CHD8: variants seen among roughly 807,000 people sequenced by gnomAD.
CHD8 encodes the protein ATP-dependent chromatin remodeler CHD8.
CHD8 carries 31 observed loss-of-function variants against 279.2 expected under a neutral mutation model. The ratio of observed to expected loss-of-function variants is 0.11; its 90% CI spans 0.08 to 0.15. CHD8 has a LOEUF of 0.15. CHD8 is among the 10% of genes least tolerant of loss of function. The pLI is 1.00. For synonymous variants in CHD8, 1,081 were observed against 1,139.6 expected (o/e 0.95, Z 1.04); for missense variants, 2,146 against 3,230.5 (o/e 0.66, Z 8.14).
chr14:21,391,344 A>T, intron 36 of CHD8, 119 bp downstream of exon 36: 1 of 946,630 alleles, frequency 1.1e-6, no homozygotes, highest in Non-Finnish European at 1.6e-6. Context: ...ATTATTAATT[A>T]TTACCCTTAT....
chr14:21,409,581 CTG>C (rs1168905025), intron 11 of CHD8, among the ~76,000 whole-genome samples: 2 of 152,018 alleles, frequency 1.3e-5, no homozygotes, highest in African/African-American at 2.4e-5. Context: ...GGCAAAAACA[CTG>C]TAATATTTAC....
chr14:21,442,634 G>A (rs1890003923), intron 1 of CHD8, among the ~76,000 whole-genome samples: 2 of 136,286 alleles, frequency 1.5e-5, no homozygotes, highest in Non-Finnish European at 3.1e-5. Flanking sequence ...GGAGAAAAGA[G>A]AAAGGGGAGG....
At chr14:21,399,948 G>A in intron 25 of CHD8, 33 bp downstream of exon 25, 1 of 1,531,472 alleles carries the variant, frequency 6.5e-7, no homozygotes, top group African/African-American at 1.4e-5. Context: ...AATAAGGTAG[G>A]GCATAAATCA....
At chr14:21,450,764 C>T (rs141966314) in intron 1 of CHD8, among the ~76,000 whole-genome samples, 1 of 151,974 alleles carries the variant, frequency 6.6e-6, no homozygotes, top group East Asian at 1.9e-4. Context: ...TACTATATAT[C>T]CTTTATTGGA....
chr14:21,423,619 C>T (rs866144524), intron 5 of CHD8, among the ~76,000 whole-genome samples: 4 of 152,058 alleles, frequency 2.6e-5, no homozygotes, highest in Non-Finnish European at 5.9e-5. Flanking sequence ...TCACTGCAGC[C>T]TCAACTTCCT....
chr14:21,410,009 G>T (rs1478647237), intron 10 of CHD8, 21 bp from the exon 11 acceptor site: 1 of 1,590,078 alleles, frequency 6.3e-7, no homozygotes, highest in Non-Finnish European at 8.6e-7. Context: ...AGAAACCAAA[G>T]CCTTAAGAAA....
At position 21,415,772 on chromosome 14, in the gene CHD8, C is replaced by G; in HGVS notation, c.1852G>C (p.Val618Leu). 6.2e-7 allele frequency: 1 copy of G among 1,613,794 alleles called. No individual in the cohort carries two copies. Among genetic ancestry groups the G allele is most frequent in the Non-Finnish European group, 8.5e-7 (1 of 1,179,784 alleles). ...IKPEPILPEP[V>L]QEPDGETLPS... Reference sequence around the variant, plus strand: ...AAAGTCTCGCCATCTGGTTCTTGCACTGGTTCAGGGAGGATAGGCTCAGGT... The same window carrying G: ...AAAGTCTCGCCATCTGGTTCTTGCAGTGGTTCAGGGAGGATAGGCTCAGGT... Residue 618 changes from valine to leucine, a missense_variant, in exon 6 of 38, where the codon GTG becomes CTG. By Grantham distance (32) the Val-to-Leu change is conservative. Transcript: ENST00000646647.
chr14:21,394,292 G>C lies in CHD8; in HGVS notation c.5584C>G (p.Pro1862Ala), dbSNP rs1452241763. 1 of 1,613,814 alleles carries C rather than the reference G, an allele frequency of 6.2e-7. No homozygotes were observed. ...AMCRQVCRLP[P>A]AAGDEPPDPN... ...TCTTGCTTACCATCTCCAGCTGCTGGGGGAAGGCGGCATACTTGGCGGCAC... is the reference window on the plus strand; with the variant it reads ...TCTTGCTTACCATCTCCAGCTGCTGCGGGAAGGCGGCATACTTGGCGGCAC... The change falls in exon 31 of 38, where the codon CCA becomes GCA. Residue 1862 changes from proline (P) to alanine (A), a missense_variant. Around this residue, in one of 26 missense-constraint regions of CHD8, gnomAD observed 513 missense variants for 637.6 expected, o/e 0.80. Coordinates refer to ENST00000646647, the MANE Select transcript of CHD8 (RefSeq NM_001170629.2).
chr14:21,432,616 A>C (rs987184907), intron 1 of CHD8, among the ~76,000 whole-genome samples: 2 of 152,084 alleles, frequency 1.3e-5, no homozygotes, highest in Non-Finnish European at 2.9e-5. Context: ...TGTGATTCCT[A>C]CCTGTGTGAC....
Position 21,385,575 on chromosome 14 carries a change from ACAG to A in CHD8, c.*35_*37del, listed in dbSNP as rs951126946. On this transcript the variant is annotated 3_prime_UTR_variant, in exon 38 of 38. Transcript: ENST00000646647. Reference sequence around the variant, plus strand: ...TCCAAGGGCCAGAGTAAATGAAAATACAGCAGCCGCCCAAGCAATGGGGCCCAT... The same window carrying A: ...TCCAAGGGCCAGAGTAAATGAAAATACAGCCGCCCAAGCAATGGGGCCCAT... 8 of 1,526,230 alleles carry A rather than the reference ACAG, an allele frequency of 5.2e-6. No homozygotes were observed. In the African/African-American group the frequency reaches 9.6e-5, roughly 18 times the overall value. The allele number at this position is 1,526,230 out of a possible 1,614,324, so 94.5% of individuals were successfully genotyped here.
intron 1 of CHD8, among the ~76,000 whole-genome samples, chr14:21,449,577 C>T (rs1258023959): frequency 6.6e-6 from 1 of 152,174 alleles, no homozygotes. Context: ...GACTCCAGTA[C>T]TACCGTGCTG....
intron 1 of CHD8, chr14:21,437,458 G>A (rs1889837158): frequency 5.5e-6 from 1 of 181,872 alleles, no homozygotes; most frequent in East Asian, 1.7e-4. Context: ...GAAGCCTGCA[G>A]CTTGCTTGAA....
chr14:21,427,027 A>G (rs1354894958), intron 4 of CHD8: 1 of 152,256 alleles, frequency 6.6e-6, no homozygotes, highest in African/African-American at 2.4e-5. Flanking sequence ...CAGCTTTTAA[A>G]GGTAACTCCC....
At chr14:21,387,199 T>TTC (rs766066834) in intron 37 of CHD8, among the ~76,000 whole-genome samples, 1 of 152,082 alleles carries the variant, frequency 6.6e-6, no homozygotes, top group South Asian at 2.1e-4. Context: ...ATATTAAGAA[T>TTC]TCTGGGCCAG....
Position 21,405,154 on chromosome 14 carries a change from G to A in CHD8, c.3307+55C>T, listed in dbSNP as rs967126684. 40 of 1,570,834 alleles carry A rather than the reference G, an allele frequency of 2.5e-5. No homozygotes were observed. The highest frequency in any genetic ancestry group is 3.0e-5 in the Non-Finnish European group (35 of 1,147,802). On this transcript the variant is annotated intron_variant, in intron 16 of 37. Coordinates refer to ENST00000646647, the MANE Select transcript of CHD8 (RefSeq NM_001170629.2). The surrounding 1 kb of genome is among the most constrained non-coding windows in gnomAD (Gnocchi z 4.2). The stretch of plus-strand genomic sequence containing the variant: ...CCATTGTCCCCAAGGAGAATCATCC[G>A]GAAAGTAAACACAGGTACTACAGAA...
chr14:21,385,330 A>C lies in CHD8; in HGVS notation c.*283T>G. ...GGCCAGCGCTACATAGTCTGTGGTT[A>C]ATGGAGGTGACTAGGGAGGGGTGAG... On this transcript the variant is annotated 3_prime_UTR_variant, in exon 38 of 38. Transcript: ENST00000646647. 1 of 449,150 alleles carries C rather than the reference A, an allele frequency of 2.2e-6. No individual in the cohort carries two copies. 27.8% of individuals were successfully genotyped at this position (449,150 alleles called of 1,614,324 possible). A position where few individuals can be genotyped will look rare whatever the true frequency, so the allele number is the denominator to read the frequency against.
At chr14:21,436,955 AT>A (rs1566450126) in intron 1 of CHD8, 7 of 1,285,654 alleles carry the variant, frequency 5.4e-6, no homozygotes, top group Middle Eastern at 2.1e-4. Context: ...GAGGCGGAAG[AT>A]TTCTGGTAAC....
intron 27 of CHD8, 164 bp downstream of exon 27, chr14:21,397,659 G>A (rs578186070): frequency 1.6e-6 from 1 of 618,582 alleles, no homozygotes; most frequent in African/African-American, 1.8e-5. Context: ...ATGGCAACAT[G>A]TGGTTTATGC....
At position 21,402,906 on chromosome 14, in the gene CHD8, A is replaced by T; in HGVS notation, c.3714+111T>A. On this transcript the variant is annotated intron_variant, in intron 18 of 37. Coordinates refer to ENST00000646647, the MANE Select transcript of CHD8 (RefSeq NM_001170629.2). This position sits in a 1 kb window ranked among gnomAD's most constrained non-coding sequence, Gnocchi z 4.5. The stretch of plus-strand genomic sequence containing the variant: ...ATTCCCTGACCTAACTGCCACCCTT[A>T]ACTAAGGAAACAATTCCAAACTCTG... 2.2e-6 allele frequency: 2 copies of T among 893,758 alleles called. No homozygotes were observed. The highest frequency in any genetic ancestry group is 3.4e-6 in the Non-Finnish European group (2 of 593,422). The allele number at this position is 893,758 out of a possible 1,614,324, so 55.4% of individuals were successfully genotyped here.
Sources: gnomAD v4.1 joint callset for allele counts (sites outside exome capture counted in the v4.1 genomes callset) on GRCh38, gnomAD v4.1.1 for gene constraint, gnomAD v4.1.1 regional missense constraint, Gnocchi (gnomAD v3.1) non-coding constraint, MANE v1.5 for transcripts, NCBI Gene and HGNC (gene_info 2026-07-23, HGNC 2026-07-21) for gene names.